Variants in ZNF804A observed in about 807,000 individuals in gnomAD.
ZNF804A encodes the protein zinc finger protein 804A.
Under a neutral mutation model 16.5 loss-of-function variants are expected in ZNF804A, and 2 were observed. That is an observed-to-expected ratio of 0.12 (90% CI 0.05 to 0.38). The LOEUF is 0.38. ZNF804A is among the 10% of genes least tolerant of loss of function. ZNF804A has a pLI of 0.99. For missense variants in ZNF804A, 1,473 were observed against 1,390.7 expected (o/e 1.06, Z -0.94); for synonymous variants, 534 against 489.6 (o/e 1.09, Z -1.20).
intron 1 of ZNF804A, among the ~76,000 whole-genome samples, chr2:184,779,558 A>G (rs1237697060): frequency 1.3e-5 from 2 of 151,710 alleles, no homozygotes; most frequent in Non-Finnish European, 2.9e-5. Flanking sequence ...ATACTGGATT[A>G]TGGAGATGGG....
chr2:184,660,404 G>A (rs945731504), intron 1 of ZNF804A, among the ~76,000 whole-genome samples: 3 of 152,054 alleles, frequency 2.0e-5, no homozygotes, highest in African/African-American at 7.2e-5. Context: ...GTTTCTCTTA[G>A]ATTCTCTAAA....
At chr2:184,792,370 T>A (rs955203897) in intron 1 of ZNF804A, among the ~76,000 whole-genome samples, 1 of 152,194 alleles carries the variant, frequency 6.6e-6, no homozygotes, top group Non-Finnish European at 1.5e-5. Context: ...CTAATAGATG[T>A]GTAGCAGTAT....
At position 184,712,054 on chromosome 2, in the gene ZNF804A, TA is replaced by T. The variant is rs1399069673; in HGVS notation, c.111+112986del. On this transcript the variant is annotated intron_variant, in intron 1 of 3. Coordinates refer to ENST00000302277, the MANE Select transcript of ZNF804A (RefSeq NM_194250.2). ...CATTGAATCTGTAAGTCTTCTTGAG[TA>T]ATGAGGACACTTTACCAATATTAAG... Among the ~76,000 whole-genome samples, 9 of 151,876 alleles carry T rather than the reference TA, an allele frequency of 5.9e-5. No individual in the cohort carries two copies. In the South Asian group the frequency reaches 1.9e-3, roughly 31 times the overall value.
intron 1 of ZNF804A, among the ~76,000 whole-genome samples, chr2:184,645,536 A>C (rs1691856769): frequency 6.6e-6 from 1 of 152,210 alleles, no homozygotes; most frequent in African/African-American, 2.4e-5. Flanking sequence ...AAAGTTCCAG[A>C]GGGAAACTAG....
intron 1 of ZNF804A, among the ~76,000 whole-genome samples, chr2:184,680,528 G>A (rs1692522601): frequency 6.6e-6 from 1 of 152,266 alleles, no homozygotes; most frequent in Non-Finnish European, 1.5e-5. Flanking sequence ...CCACCTGCCT[G>A]CAGAAAAGAC....
chr2:184,694,414 G>A (rs1692786888), intron 1 of ZNF804A, among the ~76,000 whole-genome samples: 1 of 152,022 alleles, frequency 6.6e-6, no homozygotes. Flanking sequence ...ATTACATAAT[G>A]TATTTTTATA....
chr2:184,828,691 A>T (rs1261294828), intron 1 of ZNF804A, among the ~76,000 whole-genome samples: 1 of 151,888 alleles, frequency 6.6e-6, no homozygotes, highest in African/African-American at 2.4e-5. Context: ...ATGATGTGTA[A>T]AATGAGAAAA....
chr2:184,852,421 C>G (rs868768650), intron 1 of ZNF804A, among the ~76,000 whole-genome samples: 15 of 148,886 alleles, frequency 1.0e-4, no homozygotes, highest in Admixed American at 1.3e-4. Context: ...GTTTCCTTGA[C>G]TGTGCAGAGC....
In ZNF804A at chr2:184,789,557, A is replaced by G. The variant is rs150553237; in HGVS notation, c.112-76812A>G. 3.2e-3 allele frequency among the ~76,000 whole-genome samples: 478 copies of G among 151,562 alleles called. 4 individuals are homozygous for G. Among genetic ancestry groups the G allele is most frequent in the African/African-American group, 0.011 (456 of 41,346 alleles). ...AATGTTTCTGTTTGTTTCTGATTCAATCTCGGGAGGTTGTATGTTTCCATG... is the reference window on the plus strand; with the variant it reads ...AATGTTTCTGTTTGTTTCTGATTCAGTCTCGGGAGGTTGTATGTTTCCATG... On this transcript the variant is annotated intron_variant, in intron 1 of 3. Transcript: ENST00000302277.
intron 1 of ZNF804A, among the ~76,000 whole-genome samples, chr2:184,639,864 AG>A (rs1691764988): frequency 1.3e-5 from 2 of 151,916 alleles, no homozygotes; most frequent in Non-Finnish European, 2.9e-5. Flanking sequence ...TAGCCAGGCG[AG>A]GGGGCAGGTG....
chr2:184,792,290 A>T (rs547310667), intron 1 of ZNF804A, among the ~76,000 whole-genome samples: 1 of 152,286 alleles, frequency 6.6e-6, no homozygotes, highest in East Asian at 1.9e-4. Flanking sequence ...ATCAGCAATG[A>T]ATGAGAGTTC....
In ZNF804A at chr2:184,753,417, A is replaced by G. The variant is rs1413185052; in HGVS notation, c.112-112952A>G. Among the ~76,000 whole-genome samples the G allele has an allele frequency of 2.6e-5, 4 of 151,642 alleles. No individual in the cohort carries two copies. The East Asian group carries it at 7.8e-4, about 29-fold the overall frequency. ...CAAATACACATACCATGCTACTCTT[A>G]GGTCTATGCAATACCAATTCCCTCA... On this transcript the variant is annotated intron_variant, in intron 1 of 3. Coordinates refer to ENST00000302277, the MANE Select transcript of ZNF804A (RefSeq NM_194250.2).
At chr2:184,767,694 C>G (rs1694150874) in intron 1 of ZNF804A, among the ~76,000 whole-genome samples, 1 of 151,952 alleles carries the variant, frequency 6.6e-6, no homozygotes, top group Admixed American at 6.6e-5. Flanking sequence ...TTAACTATTG[C>G]TTTTGAAATG....
At chr2:184,818,588 C>T (rs1415898966) in intron 1 of ZNF804A, among the ~76,000 whole-genome samples, 1 of 151,928 alleles carries the variant, frequency 6.6e-6, no homozygotes, top group African/African-American at 2.4e-5. Flanking sequence ...GGGCTAAATG[C>T]CCCAGTTAAA....
chr2:184,795,853 C>T lies in ZNF804A; in HGVS notation c.112-70516C>T, dbSNP rs538754665. Among the ~76,000 whole-genome samples, 31 of 152,262 alleles carry T rather than the reference C, an allele frequency of 2.0e-4. No homozygotes were observed. In the East Asian group the frequency reaches 5.8e-3, roughly 28 times the overall value. ...TGGATAAATTTCTGGAAAGATACAGCCCTCCTAGCTTAAATCAGGAATAAT... is the reference window on the plus strand; with the variant it reads ...TGGATAAATTTCTGGAAAGATACAGTCCTCCTAGCTTAAATCAGGAATAAT... On this transcript the variant is annotated intron_variant, in intron 1 of 3. Transcript: ENST00000302277.
At chr2:184,862,570 C>A (rs1387826454) in intron 1 of ZNF804A, among the ~76,000 whole-genome samples, 2 of 152,130 alleles carry the variant, frequency 1.3e-5, no homozygotes, top group Non-Finnish European at 2.9e-5. Context: ...AGCAACAGAA[C>A]ACACAAATAT....
chr2:184,743,422 A>C (rs920092435), intron 1 of ZNF804A, among the ~76,000 whole-genome samples: 24 of 152,094 alleles, frequency 1.6e-4, no homozygotes, highest in African/African-American at 5.5e-4. Flanking sequence ...GATAAGCATT[A>C]ATTTTGATTA....
At chr2:184,715,042 T>C (rs1693192185) in intron 1 of ZNF804A, among the ~76,000 whole-genome samples, 1 of 152,176 alleles carries the variant, frequency 6.6e-6, no homozygotes. Context: ...GTAGCCAGAC[T>C]AAGAACTTAA....
chr2:184,829,165 T>G (rs889445412), intron 1 of ZNF804A, among the ~76,000 whole-genome samples: 13 of 151,898 alleles, frequency 8.6e-5, no homozygotes, highest in Middle Eastern at 3.6e-3. Flanking sequence ...TAAATGCACT[T>G]TATCATATAC....
Sources: allele counts gnomAD v4.1 joint callset (sites outside exome capture counted in the v4.1 genomes callset), GRCh38; gene constraint gnomAD v4.1.1; transcripts MANE v1.5; gene names NCBI Gene and HGNC (gene_info 2026-07-23, HGNC 2026-07-21).